The following IL1RAPL2 variants were observed in gnomAD, a reference collection of about 807,000 sequenced individuals.
The protein encoded by IL1RAPL2 is interleukin 1 receptor accessory protein like 2.
Under a neutral mutation model 44.1 loss-of-function variants are expected in IL1RAPL2, and 3 were observed. That is an observed-to-expected ratio of 0.07 (90% CI 0.03 to 0.18). The LOEUF (loss-of-function observed/expected upper bound fraction) is 0.18, where lower values mean the gene tolerates loss of function less well. IL1RAPL2 is among the 10% of genes least tolerant of loss of function. The probability of loss-of-function intolerance (pLI) is 1.00; values close to 1 mark genes in which losing one functional copy is unlikely to be tolerated. For missense variants in IL1RAPL2, 391 were observed against 496.4 expected, an observed-to-expected ratio of 0.79 and a Z score of 2.02; for synonymous variants, 181 against 178.8, an observed-to-expected ratio of 1.01 and a Z score of -0.10.
chrX:105,298,426 T>G (rs959190569), intron 5 of IL1RAPL2, among the ~76,000 whole-genome samples: 14 of 110,954 alleles, frequency 1.3e-4, no homozygotes, highest in African/African-American at 3.9e-4. Context: ...GAGATGACTC[T>G]TATGTTTGTC....
intron 1 of IL1RAPL2, among the ~76,000 whole-genome samples, chrX:104,607,624 A>G (rs188418992): frequency 8.0e-5 from 9 of 112,491 alleles, no homozygotes; most frequent in Admixed American, 6.6e-4. Flanking sequence ...CAACAAACAT[A>G]CGAAAAAATG....
At position 105,207,601 on chromosome X, in the gene IL1RAPL2, C is replaced by A. The variant is rs181943438; in HGVS notation, c.356+11853C>A. Among the ~76,000 whole-genome samples the A allele has an allele frequency of 5.3e-3, 592 of 111,778 alleles. 6 individuals carry two copies. Among genetic ancestry groups the A allele is most frequent in the Non-Finnish European group, 7.9e-3 (418 of 53,164 alleles). On this transcript the variant is annotated intron_variant, in intron 3 of 10. Transcript: ENST00000372582. Reference sequence around the variant, plus strand: ...AATGCATCCCCTATAAGTTTCTTCTCTTTTTGCCCTTTCTCATCCTCTAGC... The same window carrying A: ...AATGCATCCCCTATAAGTTTCTTCTATTTTTGCCCTTTCTCATCCTCTAGC...
At chrX:105,364,402 G>A (rs2035277529) in intron 5 of IL1RAPL2, among the ~76,000 whole-genome samples, 1 of 110,148 alleles carries the variant, frequency 9.1e-6, no homozygotes, top group South Asian at 3.8e-4. Context: ...TGGCTCTTTG[G>A]GGTTTTTTTC....
chrX:105,516,071 G>A (rs2036511646), intron 6 of IL1RAPL2, among the ~76,000 whole-genome samples: 1 of 111,234 alleles, frequency 9.0e-6, no homozygotes, highest in South Asian at 3.8e-4. Flanking sequence ...AAGGCAACAA[G>A]TCAGGAGAAG....
intron 2 of IL1RAPL2, among the ~76,000 whole-genome samples, chrX:104,743,318 C>CT (rs1336418410): frequency 1.6e-5 from 1 of 62,967 alleles, no homozygotes; most frequent in Admixed American, 1.4e-4. Context: ...TGGTTTCAAA[C>CT]TATTTTTTTT....
At chrX:105,685,346 G>A (rs938440723) in intron 6 of IL1RAPL2, among the ~76,000 whole-genome samples, 11 of 111,820 alleles carry the variant, frequency 9.8e-5, no homozygotes, top group African/African-American at 3.3e-4. Context: ...AATAAACAGT[G>A]TAGAGAAGAT....
At chrX:105,033,270 C>T (rs944484591) in intron 2 of IL1RAPL2, among the ~76,000 whole-genome samples, 26 of 111,370 alleles carry the variant, frequency 2.3e-4, no homozygotes, top group East Asian at 8.5e-4. Flanking sequence ...GTCATTATGA[C>T]GTTAGCTGGT....
chrX:104,754,512 A>G (rs1341774963), intron 2 of IL1RAPL2, among the ~76,000 whole-genome samples: 2 of 111,669 alleles, frequency 1.8e-5, no homozygotes, highest in East Asian at 2.8e-4. Context: ...AATTGGAGAT[A>G]GGGATTAGAG....
intron 6 of IL1RAPL2, among the ~76,000 whole-genome samples, chrX:105,556,452 G>A (rs188669733): frequency 9.0e-6 from 1 of 110,794 alleles, no homozygotes. Flanking sequence ...AAGCCAAACT[G>A]CTTTTTTCTC....
At chrX:104,830,924 G>T (rs1921587928) in intron 2 of IL1RAPL2, among the ~76,000 whole-genome samples, 1 of 111,811 alleles carries the variant, frequency 8.9e-6, no homozygotes, top group South Asian at 3.7e-4. Context: ...TATCCAGTTT[G>T]GCAGGGCAGC....
chrX:105,693,346 C>T (rs183373916), intron 6 of IL1RAPL2, among the ~76,000 whole-genome samples: 18 of 111,551 alleles, frequency 1.6e-4, no homozygotes, highest in African/African-American at 4.2e-4. Context: ...TCCCTCGTGA[C>T]GGTCTTGGTG....
chrX:104,932,842 A>C (rs1030813052), intron 2 of IL1RAPL2, among the ~76,000 whole-genome samples: 6 of 112,311 alleles, frequency 5.3e-5, no homozygotes, highest in Admixed American at 1.9e-4. Context: ...CGATGTTAGT[A>C]GGGATTTAAA....
At chrX:105,150,334 A>G (rs1310447113) in intron 2 of IL1RAPL2, among the ~76,000 whole-genome samples, 1 of 112,007 alleles carries the variant, frequency 8.9e-6, no homozygotes, top group Non-Finnish European at 1.9e-5. Flanking sequence ...CTGAGGTACA[A>G]GCCTAGTTTC....
At position 105,448,083 on chromosome X, in the gene IL1RAPL2, G is replaced by T. The variant is rs2035988333; in HGVS notation, c.698-36230G>T. 2.9e-5 allele frequency among the ~76,000 whole-genome samples: 3 copies of T among 104,971 alleles called. No individual in the cohort carries two copies. The South Asian group carries it at 1.1e-3, about 40-fold the overall frequency. 91.2% of individuals were successfully genotyped at this position (104,971 alleles called of 115,157 possible). The stretch of plus-strand genomic sequence containing the variant: ...TTTCAAATGTCTCCTGGCTTGTGTG[G>T]TTTCCACTGAAAAGTCTGCTGCCAT... On this transcript the variant is annotated intron_variant, in intron 5 of 10. Coordinates refer to ENST00000372582, the MANE Select transcript of IL1RAPL2 (RefSeq NM_017416.2).
intron 2 of IL1RAPL2, among the ~76,000 whole-genome samples, chrX:105,077,875 T>G (rs1334051935): frequency 1.8e-5 from 2 of 109,349 alleles, no homozygotes; most frequent in East Asian, 2.9e-4. Flanking sequence ...TCTCGTGCCA[T>G]GGTTTTCAGC....
At chrX:105,297,237 G>C (rs1392898832) in intron 5 of IL1RAPL2, among the ~76,000 whole-genome samples, 2 of 111,657 alleles carry the variant, frequency 1.8e-5, no homozygotes, top group Non-Finnish European at 3.8e-5. Context: ...CAGTGTGCTT[G>C]AGTCATAGAC....
intron 6 of IL1RAPL2, among the ~76,000 whole-genome samples, chrX:105,606,524 T>G (rs1355850068): frequency 9.0e-6 from 1 of 111,057 alleles, no homozygotes; most frequent in Non-Finnish European, 1.9e-5. Flanking sequence ...ATAGAACCAC[T>G]ATATAATTCA....
intron 6 of IL1RAPL2, among the ~76,000 whole-genome samples, chrX:105,586,728 T>C (rs889431347): frequency 1.8e-5 from 2 of 112,255 alleles, no homozygotes; most frequent in Non-Finnish European, 3.8e-5. Context: ...CTTTTTTTGC[T>C]TCATATAGTT....
chrX:105,557,020 C>A (rs920833155), intron 6 of IL1RAPL2, among the ~76,000 whole-genome samples: 1 of 112,062 alleles, frequency 8.9e-6, no homozygotes, highest in Non-Finnish European at 1.9e-5. Flanking sequence ...AAGCATAGGG[C>A]TATAAATTTC....
Sources: gnomAD v4.1 joint callset for allele counts (sites outside exome capture counted in the v4.1 genomes callset) on GRCh38, gnomAD v4.1.1 for gene constraint, MANE v1.5 for transcripts, NCBI Gene and HGNC (gene_info 2026-07-23, HGNC 2026-07-21) for gene names.